The following ALS2CL variants were observed in gnomAD, a reference collection of about 807,000 sequenced individuals.
The protein encoded by ALS2CL is ALS2 C-terminal like.
Under a neutral mutation model 127.9 loss-of-function variants are expected in ALS2CL, and 112 were observed. That is an observed-to-expected ratio of 0.88 (90% CI 0.75 to 1.02). The LOEUF (loss-of-function observed/expected upper bound fraction) is 1.02. ALS2CL is among the 50% of genes least tolerant of loss of function. The pLI is 0.00. For synonymous variants in ALS2CL, 519 were observed against 527.6 expected (o/e 0.98, Z 0.22); for missense variants, 1,174 against 1,236.7 (o/e 0.95, Z 0.76).
chr3:46,671,675 A>G (rs554751913), intron 24 of ALS2CL, 91 bp from the exon 25 acceptor site: 9 of 1,594,898 alleles, frequency 5.6e-6, no homozygotes, highest in African/African-American at 5.4e-5. Context: ...GCTGGCCTGG[A>G]TGGCTGGACA....
chr3:46,689,214 A>C, intron 2 of ALS2CL, 124 bp downstream of exon 2: 1 of 943,770 alleles, frequency 1.1e-6, no homozygotes, highest in South Asian at 1.5e-5. Context: ...TGCTGATACC[A>C]GGTGTCACCA....
Position 46,674,706 on chromosome 3 carries a change from G to A in ALS2CL, c.2289C>T (p.Leu763=), listed in dbSNP as rs148277759. 8 of 1,613,740 alleles carry A rather than the reference G, an allele frequency of 5.0e-6. No homozygotes were observed. The highest frequency in any genetic ancestry group is 5.9e-6 in the Non-Finnish European group (7 of 1,179,894). Reference sequence around the variant, plus strand: ...GCTCTGAGTAGAAGCTGGGCAGCATGAGGGGCAGCACCAATCCATGCACCT... The same window carrying A: ...GCTCTGAGTAGAAGCTGGGCAGCATAAGGGGCAGCACCAATCCATGCACCT... The part of the protein sequence containing the change: ...DLQVHGLVLP[L]MLPSFYSELF... Residue 763 remains leucine (L), a synonymous_variant, in exon 21 of 26, where the codon CTC becomes CTT. Coordinates refer to ENST00000318962, the MANE Select transcript of ALS2CL (RefSeq NM_147129.5).
At position 46,686,388 on chromosome 3, in the gene ALS2CL, G is replaced by A. The variant is rs776744769; in HGVS notation, c.586C>T (p.Leu196=). 2.5e-6 allele frequency: 4 copies of A among 1,613,668 alleles called. No homozygotes were observed. The highest frequency in any genetic ancestry group is 1.3e-5 in the African/African-American group (1 of 74,920). ...AACTCCTGCTTCATGAAGGACTGCA[G>A]GTTCCCAAAGAGGGTGACTGCGTTC... ...VVNAVTLFGN[L]QSFMKQELDQ... The change falls in exon 6 of 26, where the codon CTG becomes TTG. Residue 196 remains leucine (L), a synonymous_variant. Transcript: ENST00000318962. This position sits in a 1 kb window ranked among gnomAD's most constrained non-coding sequence, Gnocchi z 4.3.
At chr3:46,675,243 A>C in intron 20 of ALS2CL, 1 of 230,538 alleles carries the variant, frequency 4.3e-6, no homozygotes, top group East Asian at 1.0e-4. Flanking sequence ...GGGGGAAACA[A>C]ATTTCATGCC....
At chr3:46,684,496 T>C (rs568228453) in intron 7 of ALS2CL, among the ~76,000 whole-genome samples, 28 of 152,352 alleles carry the variant, frequency 1.8e-4, no homozygotes, top group Admixed American at 5.2e-4. Context: ...TACTGTTCCT[T>C]CTACCTGGAA....
Position 46,671,016 on chromosome 3 carries a change from G to T in ALS2CL, c.2830C>A (p.Pro944Thr), listed in dbSNP as rs746178342. 2 of 1,614,196 alleles carry T rather than the reference G, an allele frequency of 1.2e-6. No homozygotes were observed. Among genetic ancestry groups the T allele is most frequent in the Non-Finnish European group, 1.7e-6 (2 of 1,180,026 alleles). The change falls in exon 26 of 26, where the codon CCT becomes ACT. Residue 944 changes from proline to threonine, a missense_variant. Coordinates refer to ENST00000318962, the MANE Select transcript of ALS2CL (RefSeq NM_147129.5). Reference protein sequence around the residue: ...QKEDMRLHRLPGHWHSRELW With the variant: ...QKEDMRLHRLTGHWHSRELW The stretch of plus-strand genomic sequence containing the variant: ...AGCTCCCTGGAGTGCCAGTGGCCAG[G>T]TAAGCGGTGCAGCCTCATGTCTTCT...
chr3:46,685,454 A>C, intron 7 of ALS2CL, 71 bp downstream of exon 7: 1 of 1,581,106 alleles, frequency 6.3e-7, no homozygotes. Context: ...ATGCCCCTTT[A>C]CTGCTCCTTT....
At position 46,687,046 on chromosome 3, in the gene ALS2CL, T is replaced by G. The variant is rs894489193; in HGVS notation, c.471A>C (p.Pro157=). 1 of 1,602,740 alleles carries G rather than the reference T, an allele frequency of 6.2e-7. No homozygotes were observed. The highest frequency in any genetic ancestry group is 8.5e-7 in the Non-Finnish European group (1 of 1,178,674). The change falls in exon 5 of 26, where the codon CCA becomes CCC. Residue 157 remains proline, a synonymous_variant. Coordinates refer to ENST00000318962, the MANE Select transcript of ALS2CL (RefSeq NM_147129.5). ...CGTACTGTTGCACGTGATGGGCGAGTGGCTGGTGGAGGGCCTGGCCCAGCG... is the reference window on the plus strand; with the variant it reads ...CGTACTGTTGCACGTGATGGGCGAGGGGCTGGTGGAGGGCCTGGCCCAGCG... ...GASLGQALHQ[P]LAHHVQQYVL...
intron 1 of ALS2CL, among the ~76,000 whole-genome samples, chr3:46,693,078 C>T (rs373105125): frequency 2.7e-4 from 41 of 152,242 alleles, no homozygotes; most frequent in African/African-American, 9.1e-4. Context: ...ACACCTGATC[C>T]CTCAGTCTCA....
intron 16 of ALS2CL, 106 bp downstream of exon 16, chr3:46,678,153 T>C (rs1699022840): frequency 1.6e-6 from 2 of 1,276,146 alleles, no homozygotes; most frequent in Admixed American, 6.2e-5. Context: ...TCTAGAGGGC[T>C]AAGAGGTGGG....
intron 18 of ALS2CL, 73 bp downstream of exon 18, chr3:46,676,569 G>A: frequency 5.7e-6 from 9 of 1,568,276 alleles, no homozygotes; most frequent in Non-Finnish European, 7.8e-6. Flanking sequence ...ACCCTGCTAT[G>A]AAAAATGGGA....
chr3:46,678,072 C>T (rs992376629), intron 16 of ALS2CL, among the ~76,000 whole-genome samples, 187 bp downstream of exon 16: 1 of 151,792 alleles, frequency 6.6e-6, no homozygotes, highest in East Asian at 1.9e-4. Flanking sequence ...TGGTGTACCG[C>T]ATTATATCCA....
At chr3:46,680,377 C>A (rs985596149) in intron 14 of ALS2CL, 53 bp downstream of exon 14, 6 of 1,558,554 alleles carry the variant, frequency 3.8e-6, no homozygotes, top group Non-Finnish European at 4.4e-6. Flanking sequence ...CTCAGTGCCC[C>A]CAGCGGGAGT....
chr3:46,679,322 T>TAGAAAGGGA lies in ALS2CL; in HGVS notation c.1549-36_1549-35insTCCCTTTCT, dbSNP rs1699132961. On this transcript the variant is annotated intron_variant, in intron 14 of 25. Coordinates refer to ENST00000318962, the MANE Select transcript of ALS2CL (RefSeq NM_147129.5). ...AGGAAGCCAGGGAGGGTAGAAAGGGTGGGTGAGGAAGGGCCAGGAAACTCA... is the reference window on the plus strand; with the variant it reads ...AGGAAGCCAGGGAGGGTAGAAAGGGTAGAAAGGGAGGGTGAGGAAGGGCCAGGAAACTCA... 2.6e-6 allele frequency: 4 copies of TAGAAAGGGA among 1,529,270 alleles called. No individual in the cohort carries two copies. In the Admixed American group the frequency reaches 7.7e-5, roughly 29 times the overall value. The allele number at this position is 1,529,270 out of a possible 1,614,324, so 94.7% of individuals were successfully genotyped here.
chr3:46,675,097 C>T (rs77265504), intron 20 of ALS2CL: 327 of 231,028 alleles, frequency 1.4e-3, no homozygotes, highest in African/African-American at 6.9e-3. Flanking sequence ...GCTAGGACTC[C>T]GGGCGGGGAA....
rs1471097010 is a variant in ALS2CL, at chr3:46,691,561, C to T, written c.-26+2082G>A. Among the ~76,000 whole-genome samples, 4 of 152,100 alleles carry T rather than the reference C, an allele frequency of 2.6e-5. No individual in the cohort carries two copies. In the East Asian group the frequency reaches 7.7e-4, roughly 29 times the overall value. ...CGTCCCCACTGCCCAGTCTCAGCTG[C>T]TCCCCCAGGAGCAGCCCTCACCTGG... is the stretch of plus-strand genomic sequence containing the variant. On this transcript the variant is annotated intron_variant, in intron 1 of 25. Transcript: ENST00000318962.
At chr3:46,680,180 T>G in intron 14 of ALS2CL, 4 of 501,420 alleles carry the variant, frequency 8.0e-6, no homozygotes, top group East Asian at 3.2e-5. Context: ...TGTTAGTTCA[T>G]TGAGTCTATG....
Position 46,673,311 on chromosome 3 carries a change from T to C in ALS2CL, c.2472+28A>G, listed in dbSNP as rs749971285. The C allele has an allele frequency of 2.6e-6, 4 of 1,531,652 alleles. No individual in the cohort carries two copies. The South Asian group carries it at 4.8e-5, about 18-fold the overall frequency. 94.9% of individuals were successfully genotyped at this position (1,531,652 alleles called of 1,614,324 possible). A position where few individuals can be genotyped will look rare whatever the true frequency, so the allele number is the denominator to read the frequency against. On this transcript the variant is annotated intron_variant, in intron 22 of 25. Coordinates refer to ENST00000318962, the MANE Select transcript of ALS2CL (RefSeq NM_147129.5). ...AGCCTGCAGGACCTCTGGGGGCCCC[T>C]GGCTTGGGGCTCTGGCCTCCCTCTC...
rs1699800241 is a variant in ALS2CL at position 46,686,518 on chromosome 3, G to A, written c.535-79C>T. 1.3e-6 allele frequency: 2 copies of A among 1,535,878 alleles called. No homozygotes were observed. Among genetic ancestry groups the A allele is most frequent in the South Asian group, 1.3e-5 (1 of 78,216 alleles). Reference sequence around the variant, plus strand: ...GCCCAGTCCTGGTCCCGGCTGGTGGGGAGGCCTGAATCTAGGCCAGACCTT... The same window carrying A: ...GCCCAGTCCTGGTCCCGGCTGGTGGAGAGGCCTGAATCTAGGCCAGACCTT... On this transcript the variant is annotated intron_variant, in intron 5 of 25. Transcript: ENST00000318962. The surrounding 1 kb of genome is among the most constrained non-coding windows in gnomAD (Gnocchi z 4.3).
Sources: gnomAD v4.1 joint callset for allele counts (sites outside exome capture counted in the v4.1 genomes callset) on GRCh38, gnomAD v4.1.1 for gene constraint, Gnocchi (gnomAD v3.1) non-coding constraint, MANE v1.5 for transcripts, NCBI Gene and HGNC (gene_info 2026-07-23, HGNC 2026-07-21) for gene names.